EFR3B: variants seen among roughly 807,000 people sequenced by gnomAD.
EFR3B encodes the protein EFR3 homolog B, also known as protein EFR3 homolog B.
A neutral mutation model predicts 104.7 loss-of-function variants in EFR3B; 64 were observed. The ratio of observed to expected loss-of-function variants is 0.61; its 90% CI spans 0.50 to 0.75. The LOEUF (loss-of-function observed/expected upper bound fraction) is 0.75, where lower values mean the gene tolerates loss of function less well. Among genes scored for constraint, EFR3B ranks in the 30% least tolerant of loss-of-function variants. The pLI is 0.00. For missense variants in EFR3B, 750 were observed against 1,078.5 expected (o/e 0.70, Z 4.27); for synonymous variants, 385 against 417.9 (o/e 0.92, Z 0.96).
At chr2:25,057,412 CA>C (rs70947862) in intron 1 of EFR3B, among the ~76,000 whole-genome samples, 27 of 142,686 alleles carry the variant, frequency 1.9e-4, no homozygotes, top group East Asian at 4.0e-4. Flanking sequence ...GCATGGCTAA[CA>C]AAAAAAAAAA....
intron 1 of EFR3B, among the ~76,000 whole-genome samples, chr2:25,055,439 A>G (rs529378502): frequency 2.7e-4 from 41 of 152,158 alleles, no homozygotes; most frequent in Non-Finnish European, 5.0e-4. Flanking sequence ...AGGTTTGTCT[A>G]TAAATCTGAG....
At chr2:25,135,152 GGCTGGA>G (rs1670484627) in intron 12 of EFR3B, among the ~76,000 whole-genome samples, 1 of 152,154 alleles carries the variant, frequency 6.6e-6, no homozygotes, top group Admixed American at 6.5e-5. Flanking sequence ...TGCCCTAACT[GGCTGGA>G]ATGTTAGGTT....
intron 3 of EFR3B, among the ~76,000 whole-genome samples, chr2:25,096,784 C>G (rs1038517908): frequency 6.6e-6 from 1 of 152,206 alleles, no homozygotes; most frequent in Non-Finnish European, 1.5e-5. Context: ...TGGTCTTGAA[C>G]TACAGTGAAA....
chr2:25,053,752 C>T (rs1667945393), intron 1 of EFR3B, among the ~76,000 whole-genome samples: 2 of 152,080 alleles, frequency 1.3e-5, no homozygotes. Flanking sequence ...ACTAAAAATA[C>T]AAAAATTGGC....
intron 1 of EFR3B, among the ~76,000 whole-genome samples, chr2:25,057,413 A>G (rs1381616336): frequency 9.4e-6 from 1 of 106,596 alleles, no homozygotes; most frequent in Non-Finnish European, 2.1e-5. Context: ...CATGGCTAAC[A>G]AAAAAAAAAA....
chr2:25,135,545 C>T lies in EFR3B; in HGVS notation c.1390C>T (p.Leu464Phe). The T allele has an allele frequency of 6.4e-7, 1 of 1,551,974 alleles. No individual in the cohort carries two copies. The highest frequency in any genetic ancestry group is 8.7e-7 in the Non-Finnish European group (1 of 1,147,038). Residue 464 changes from leucine (L) to phenylalanine (F), a missense_variant, in exon 13 of 23, where the codon CTC becomes TTC. Physicochemically the swap from Leu to Phe is conservative, Grantham distance 22 (BLOSUM62 0). Transcript: ENST00000403714. ...NFLDRLLSTA[L>F]MEDAEIRLFV... ...CCTGGACCGCCTTCTCTCCACCGCC[C>T]TCATGGAGGATGCAGAAATTCGACT...
intron 1 of EFR3B, among the ~76,000 whole-genome samples, chr2:25,069,707 T>C (rs1668440426): frequency 6.6e-6 from 1 of 152,198 alleles, no homozygotes; most frequent in Admixed American, 6.5e-5. Context: ...TAGTAACTTT[T>C]TGTTTTTGAG....
chr2:25,124,738 CAAAAAA>C (rs34181444), intron 5 of EFR3B, among the ~76,000 whole-genome samples: 53 of 41,794 alleles, frequency 1.3e-3, no homozygotes, highest in Non-Finnish European at 1.6e-3. Flanking sequence ...GACTCTGTCT[CAAAAAA>C]AAAAAAAAAA....
At chr2:25,116,716 CAGA>C (rs1669870675) in intron 4 of EFR3B, among the ~76,000 whole-genome samples, 1 of 151,724 alleles carries the variant, frequency 6.6e-6, no homozygotes, top group Admixed American at 6.6e-5. Context: ...CATGGAGCCG[CAGA>C]AGGAGAGAGC....
intron 19 of EFR3B, chr2:25,146,451 T>A (rs1470027624): frequency 6.6e-6 from 1 of 152,134 alleles, no homozygotes; most frequent in Non-Finnish European, 1.5e-5. Context: ...TAAAATGAGG[T>A]TGAACGAGGC....
intron 1 of EFR3B, among the ~76,000 whole-genome samples, chr2:25,054,791 G>A (rs988144218): frequency 2.6e-5 from 4 of 152,098 alleles, no homozygotes; most frequent in African/African-American, 7.2e-5. Context: ...AGCCTGCCTC[G>A]GTGCTGTCTG....
At chr2:25,078,735 C>A (rs1378209462) in intron 1 of EFR3B, among the ~76,000 whole-genome samples, 1 of 152,164 alleles carries the variant, frequency 6.6e-6, no homozygotes, top group African/African-American at 2.4e-5. Flanking sequence ...TAAGGTAATA[C>A]AGTGTGAAGG....
rs755720770 is a variant in EFR3B at position 25,130,231 on chromosome 2, G to A, written c.770+122G>A. ...ACAGTTGTGGTGCCGCAGCCGAGTC[G>A]ATCCCTTCCCTGTGCCTGTGTTCCC... On this transcript the variant is annotated intron_variant, in intron 7 of 22. Transcript: ENST00000403714. This position sits in a 1 kb window ranked among gnomAD's most constrained non-coding sequence, Gnocchi z 4.6. 95 of 1,419,710 alleles carry A rather than the reference G, an allele frequency of 6.7e-5. 1 individual carries two copies. Among genetic ancestry groups the A allele is most frequent in the Admixed American group, 8.5e-5 (4 of 47,024 alleles). 87.9% of individuals were successfully genotyped at this position (1,419,710 alleles called of 1,614,324 possible). A position where few individuals can be genotyped will look rare whatever the true frequency, so the allele number is the denominator to read the frequency against.
Position 25,154,197 on chromosome 2 carries a change from T to C in EFR3B, c.2349-38T>C. ...ACAAGGGTGGGATCCTAAAATTCTC[T>C]TTTCATGCCTTTCTCCCCATGTGTT... is the stretch of plus-strand genomic sequence containing the variant. On this transcript the variant is annotated intron_variant, in intron 22 of 22. Transcript: ENST00000403714. This position sits in a 1 kb window ranked among gnomAD's most constrained non-coding sequence, Gnocchi z 4.1. 6.5e-7 allele frequency: 1 copy of C among 1,541,998 alleles called. No individual in the cohort carries two copies. Among genetic ancestry groups the C allele is most frequent in the Non-Finnish European group, 8.8e-7 (1 of 1,138,890 alleles).
intron 17 of EFR3B, among the ~76,000 whole-genome samples, chr2:25,143,394 C>T (rs1479862952): frequency 6.6e-6 from 1 of 152,078 alleles, no homozygotes; most frequent in Non-Finnish European, 1.5e-5. Flanking sequence ...CATGGTGGCT[C>T]ACGCCTGTAA....
chr2:25,134,177 A>T (rs868718827), intron 12 of EFR3B, among the ~76,000 whole-genome samples: 31 of 138,514 alleles, frequency 2.2e-4, no homozygotes, highest in South Asian at 4.4e-4. Context: ...CTCAGTTTAT[A>T]TTTTTTTTTT....
intron 17 of EFR3B, among the ~76,000 whole-genome samples, chr2:25,143,284 G>A (rs1037774133): frequency 1.3e-5 from 2 of 152,174 alleles, no homozygotes; most frequent in African/African-American, 2.4e-5. Flanking sequence ...ATGAATAGTG[G>A]TTATCTCTGG....
In EFR3B at chr2:25,141,255, G is replaced by A. The variant is rs1045460027; in HGVS notation, c.1855-111G>A. On this transcript the variant is annotated intron_variant, in intron 16 of 22. Coordinates refer to ENST00000403714, the MANE Select transcript of EFR3B (RefSeq NM_014971.2). The stretch of plus-strand genomic sequence containing the variant: ...AGCTCAGCTGAGGACACTGTGCTGA[G>A]GAGGCTGTGGGAGGGAGGAAGCACC... 1.3e-5 allele frequency: 15 copies of A among 1,117,318 alleles called. No individual in the cohort carries two copies. The African/African-American group carries it at 2.3e-4, about 17-fold the overall frequency. The allele number at this position is 1,117,318 out of a possible 1,614,324, so 69.2% of individuals were successfully genotyped here. A position where few individuals can be genotyped will look rare whatever the true frequency, so the allele number is the denominator to read the frequency against.
intron 4 of EFR3B, among the ~76,000 whole-genome samples, chr2:25,113,134 C>T (rs556065484): frequency 4.3e-4 from 65 of 152,170 alleles, no homozygotes; most frequent in Non-Finnish European, 5.0e-4. Context: ...AAAGGGTGGC[C>T]CTAGCAGTGC....
Sources: allele counts gnomAD v4.1 joint callset (sites outside exome capture counted in the v4.1 genomes callset), GRCh38; gene constraint gnomAD v4.1.1; non-coding constraint Gnocchi (gnomAD v3.1); transcripts MANE v1.5; gene names NCBI Gene and HGNC (gene_info 2026-07-23, HGNC 2026-07-21).